Variants in SYT14 observed in about 807,000 individuals in gnomAD.
SYT14 encodes synaptotagmin-14.
SYT14 carries 32 observed loss-of-function variants against 74.2 expected under a neutral mutation model. That is an observed-to-expected ratio of 0.43 (90% CI 0.33 to 0.58). SYT14 has a LOEUF of 0.58. Among genes scored for constraint, SYT14 ranks in the 20% least tolerant of loss-of-function variants. The probability of loss-of-function intolerance (pLI) is 0.05; values close to 1 mark genes in which losing one functional copy is unlikely to be tolerated. For missense variants in SYT14, 791 were observed against 981.8 expected (o/e 0.81, Z 2.60); for synonymous variants, 298 against 337.7 (o/e 0.88, Z 1.29).
At chr1:210,005,890 T>C (rs1572146920) in intron 2 of SYT14, among the ~76,000 whole-genome samples, 1 of 151,982 alleles carries the variant, frequency 6.6e-6, no homozygotes, top group Non-Finnish European at 1.5e-5. Flanking sequence ...TTTTTTCTAA[T>C]TTCTTCAAGA....
At chr1:210,021,440 C>G (rs985155313) in intron 5 of SYT14, among the ~76,000 whole-genome samples, 186 bp downstream of exon 4, 2 of 152,078 alleles carry the variant, frequency 1.3e-5, no homozygotes, top group Non-Finnish European at 2.9e-5. Context: ...AAACCAATAC[C>G]AAAACACCCC....
At chr1:209,970,235 T>C (rs1458308236) in intron 2 of SYT14, among the ~76,000 whole-genome samples, 2 of 152,164 alleles carry the variant, frequency 1.3e-5, no homozygotes, top group Non-Finnish European at 2.9e-5. Flanking sequence ...TTGAGTTAAT[T>C]TTTGTGTATA....
At chr1:210,076,155 T>G (rs572241846) in intron 5 of SYT14, among the ~76,000 whole-genome samples, 1 of 151,916 alleles carries the variant, frequency 6.6e-6, no homozygotes, top group Non-Finnish European at 1.5e-5. Context: ...AGTAGGAGAG[T>G]TTTATTGAGA....
intron 7 of SYT14, among the ~76,000 whole-genome samples, chr1:210,124,469 C>G (rs967986503): frequency 7.2e-5 from 11 of 152,138 alleles, no homozygotes; most frequent in African/African-American, 2.4e-4. Flanking sequence ...AATAAAGGAT[C>G]TGAACAATAA....
chr1:210,037,450 T>C (rs2080690448), intron 5 of SYT14, among the ~76,000 whole-genome samples: 1 of 152,030 alleles, frequency 6.6e-6, no homozygotes, highest in African/African-American at 2.4e-5. Context: ...CTTTGTTATT[T>C]CTTTTCCTCC....
intron 3 of SYT14, among the ~76,000 whole-genome samples, chr1:210,015,044 C>A: frequency 6.7e-6 from 1 of 149,510 alleles, no homozygotes; most frequent in African/African-American, 2.5e-5. Flanking sequence ...TTTAAAAAAA[C>A]AAGACTATTA....
chr1:210,032,009 A>C lies in SYT14; in HGVS notation c.1312+10755A>C, dbSNP rs570058192. Among the ~76,000 whole-genome samples the C allele has an allele frequency of 2.0e-5, 3 of 152,268 alleles. No individual in the cohort carries two copies. In the East Asian group the frequency reaches 5.8e-4, roughly 29 times the overall value. On this transcript the variant is annotated intron_variant, in intron 5 of 9. Coordinates refer to ENST00000637265, the Ensembl canonical transcript of SYT14. ...GACAAATAAGGGACAACTAGCAGAG[A>C]ATGACTATGCCCGGAAGTAGAACAG...
At chr1:210,049,160 GGATCT>G (rs2102371192) in intron 5 of SYT14, among the ~76,000 whole-genome samples, 1 of 152,264 alleles carries the variant, frequency 6.6e-6, no homozygotes, top group East Asian at 1.9e-4. Context: ...AGCCATTGGT[GGATCT>G]CCCATTCTGG....
In SYT14 at chr1:209,973,780, T is replaced by C. The variant is rs867548723; in HGVS notation, c.-486+21024T>C. On this transcript the variant is annotated intron_variant, in intron 2 of 9. Coordinates refer to ENST00000637265, the Ensembl canonical transcript of SYT14. ...TTCTAGTTCTAGATCCCTGAGGAAT[T>C]GCCACACTGACTTCTAGAATGGTTG... Among the ~76,000 whole-genome samples the C allele has an allele frequency of 1.9e-4, 29 of 152,292 alleles. No homozygotes were observed. The East Asian group carries it at 1.9e-3, about 10-fold the overall frequency.
intron 7 of SYT14, among the ~76,000 whole-genome samples, chr1:210,139,729 C>A (rs573230932): frequency 3.3e-5 from 5 of 152,254 alleles, no homozygotes; most frequent in South Asian, 2.1e-4. Flanking sequence ...TCAAATCATA[C>A]AATATGTGGC....
chr1:209,942,702 G>T (rs541719967), intron 1 of SYT14, among the ~76,000 whole-genome samples: 36 of 152,120 alleles, frequency 2.4e-4, no homozygotes, highest in Middle Eastern at 3.4e-3. Flanking sequence ...TCAAGATAAG[G>T]CTGGTCCTTA....
exon 10 of SYT14, chr1:210,169,467 T>G (rs2083499220): frequency 6.6e-6 from 1 of 152,044 alleles, no homozygotes; most frequent in Non-Finnish European, 1.5e-5. Context: ...TAGAAATTAA[T>G]GGTGATACTT....
rs753583771 is a variant in SYT14, at chr1:210,019,769, AAAAT to A, written c.1097-1267_1097-1264del. On this transcript the variant is annotated intron_variant, in intron 4 of 9. Coordinates refer to ENST00000637265, the Ensembl canonical transcript of SYT14. ...AGATGCTTAACTGACTATAAAGAGA[AAAAT>A]AACCAGATTGAACTAATGAATTTTA... Among the ~76,000 whole-genome samples the A allele has an allele frequency of 9.2e-5, 14 of 152,348 alleles. No homozygotes were observed. The South Asian group carries it at 1.5e-3, about 16-fold the overall frequency.
At chr1:209,951,427 C>T (rs148853337) in intron 1 of SYT14, among the ~76,000 whole-genome samples, 265 of 152,276 alleles carry the variant, frequency 1.7e-3, no homozygotes, top group African/African-American at 5.5e-3. Context: ...AGCATAATGT[C>T]CTCCGGGTTC....
chr1:210,092,030 G>A lies in SYT14; in HGVS notation c.1313-2292G>A, dbSNP rs529138275. On this transcript the variant is annotated intron_variant, in intron 5 of 9. Transcript: ENST00000637265. ...AATTGACTTTGTGTTGCAGTATTTAGGTATTACCGTTTAATTCAGTGGCTA... is the reference window on the plus strand; with the variant it reads ...AATTGACTTTGTGTTGCAGTATTTAAGTATTACCGTTTAATTCAGTGGCTA... 4.6e-5 allele frequency among the ~76,000 whole-genome samples: 7 copies of A among 151,956 alleles called. No homozygotes were observed. The South Asian group carries it at 1.5e-3, about 32-fold the overall frequency.
At chr1:210,019,955 A>T (rs1479102555) in intron 4 of SYT14, among the ~76,000 whole-genome samples, 2 of 152,198 alleles carry the variant, frequency 1.3e-5, no homozygotes, top group Non-Finnish European at 2.9e-5. Flanking sequence ...GTTTTGTTTG[A>T]AATTTAGGTA....
chr1:209,995,180 T>G (rs186750501), intron 2 of SYT14, among the ~76,000 whole-genome samples: 2 of 152,260 alleles, frequency 1.3e-5, no homozygotes, highest in South Asian at 2.1e-4. Flanking sequence ...AAACCCCACT[T>G]AAAAGACACA....
intron 2 of SYT14, among the ~76,000 whole-genome samples, chr1:209,960,937 C>G (rs1272303312): frequency 6.6e-6 from 1 of 152,088 alleles, no homozygotes; most frequent in African/African-American, 2.4e-5. Context: ...GTTACTAAAG[C>G]TAGGGGAGAG....
At chr1:210,086,379 A>G (rs1320070807) in intron 5 of SYT14, among the ~76,000 whole-genome samples, 1 of 152,198 alleles carries the variant, frequency 6.6e-6, no homozygotes, top group Non-Finnish European at 1.5e-5. Context: ...TTATATCTAT[A>G]TGGACTCATA....
Sources: allele counts gnomAD v4.1 joint callset (sites outside exome capture counted in the v4.1 genomes callset), GRCh38; gene constraint gnomAD v4.1.1; transcripts MANE v1.5; gene names NCBI Gene and HGNC (gene_info 2026-07-23, HGNC 2026-07-21).